The following NPR3 variants were observed in gnomAD, a reference collection of about 807,000 sequenced individuals.
The protein encoded by NPR3 is atrial natriuretic peptide receptor 3.
Under a neutral mutation model 54.5 loss-of-function variants are expected in NPR3, and 34 were observed. The observed-to-expected ratio is 0.62, with a 90% CI of 0.47 to 0.83. The LOEUF (loss-of-function observed/expected upper bound fraction) is 0.83, where lower values mean the gene tolerates loss of function less well. Among genes scored for constraint, NPR3 ranks in the 40% least tolerant of loss-of-function variants. The probability of loss-of-function intolerance (pLI) is 0.00; values close to 1 mark genes in which losing one functional copy is unlikely to be tolerated. For synonymous variants in NPR3, 289 were observed against 297.1 expected, an observed-to-expected ratio of 0.97 and a Z score of 0.28; for missense variants, 674 against 720.8, an observed-to-expected ratio of 0.94 and a Z score of 0.74.
intron 2 of NPR3, among the ~76,000 whole-genome samples, chr5:32,737,024 C>T (rs1234631827): frequency 1.3e-5 from 2 of 152,168 alleles, no homozygotes; most frequent in Non-Finnish European, 1.5e-5. Context: ...GGGCTCTAGA[C>T]TAAGTGCCCA....
At chr5:32,763,273 C>T (rs891330954) in intron 3 of NPR3, among the ~76,000 whole-genome samples, 2 of 151,930 alleles carry the variant, frequency 1.3e-5, no homozygotes, top group African/African-American at 4.8e-5. Flanking sequence ...AGTGATGCCT[C>T]CAGCTTTGTT....
intron 4 of NPR3, among the ~76,000 whole-genome samples, chr5:32,777,098 A>C (rs1301889607): frequency 6.6e-6 from 1 of 152,196 alleles, no homozygotes; most frequent in African/African-American, 2.4e-5. Flanking sequence ...ATAGGTGCCA[A>C]AGCCCGAGAG....
rs3828590 is a variant in NPR3, at chr5:32,713,166, T to C, written c.769+621T>C. 121 of 985,360 alleles carry C rather than the reference T, an allele frequency of 1.2e-4. 2 individuals carry two copies. In the East Asian group the frequency reaches 0.012, roughly 96 times the overall value. 61.0% of individuals were successfully genotyped at this position (985,360 alleles called of 1,614,324 possible). A position where few individuals can be genotyped will look rare whatever the true frequency, so the allele number is the denominator to read the frequency against. Reference sequence around the variant, plus strand: ...CTGTGGTTTCCACCAAAAATGCCCCTGTGTGTCTGAATTCTGGCGACACTC... The same window carrying C: ...CTGTGGTTTCCACCAAAAATGCCCCCGTGTGTCTGAATTCTGGCGACACTC... On this transcript the variant is annotated intron_variant, in intron 1 of 7. Coordinates refer to ENST00000265074, the MANE Select transcript of NPR3 (RefSeq NM_001204375.2).
At chr5:32,764,429 G>T (rs1482171801) in intron 3 of NPR3, among the ~76,000 whole-genome samples, 5 of 151,886 alleles carry the variant, frequency 3.3e-5, no homozygotes, top group Non-Finnish European at 5.9e-5. Context: ...TTCTTTTGAG[G>T]GTCAAATCTC....
At chr5:32,719,777 A>C (rs180954951) in intron 1 of NPR3, among the ~76,000 whole-genome samples, 1 of 118,012 alleles carries the variant, frequency 8.5e-6, no homozygotes. Flanking sequence ...TTTACCACCT[A>C]TGTTGTTGTT....
At chr5:32,755,750 C>A (rs931724712) in intron 3 of NPR3, among the ~76,000 whole-genome samples, 1 of 152,204 alleles carries the variant, frequency 6.6e-6, no homozygotes, top group Non-Finnish European at 1.5e-5. Context: ...AAAACACCAT[C>A]ATCTCCAAGT....
intron 1 of NPR3, among the ~76,000 whole-genome samples, chr5:32,696,443 C>T (rs7738037): frequency 0.38 from 55,640 of 147,176 alleles, 10,654 homozygotes; most frequent in Middle Eastern, 0.48. Context: ...ATTCTTCCAG[C>T]TTTTTTTTTT....
intron 1 of NPR3, among the ~76,000 whole-genome samples, chr5:32,723,538 G>C (rs1045958790): frequency 5.3e-5 from 8 of 152,320 alleles, no homozygotes; most frequent in Non-Finnish European, 1.0e-4. Context: ...TGAATCCTCT[G>C]ATTTGCTAAG....
chr5:32,703,539 C>T (rs993304629), intron 1 of NPR3, among the ~76,000 whole-genome samples: 7 of 152,184 alleles, frequency 4.6e-5, no homozygotes, highest in Admixed American at 3.9e-4. Context: ...GCTGACTATT[C>T]AGGGCCCAAA....
intron 4 of NPR3, 68 bp downstream of exon 4, chr5:32,774,911 T>A: frequency 7.7e-7 from 1 of 1,295,206 alleles, no homozygotes; most frequent in Non-Finnish European, 1.1e-6. Context: ...GTTCTGTATT[T>A]CTCAGTTGCA....
intron 1 of NPR3, among the ~76,000 whole-genome samples, chr5:32,693,035 T>C (rs1740434467): frequency 6.6e-6 from 1 of 151,928 alleles, no homozygotes; most frequent in South Asian, 2.1e-4. Context: ...GACAGGAGAA[T>C]CCCTTGATCC....
upstream of NPR3, chr5:32,710,863 T>TTTTTTTTTTG (rs1738178941): frequency 7.8e-7 from 1 of 1,275,430 alleles, no homozygotes; most frequent in African/African-American, 1.7e-5. Context: ...GTCCTGGTTT[T>TTTTTTTTTTG]TTTTTTTTTT....
chr5:32,749,283 T>A (rs1156892424), intron 3 of NPR3, among the ~76,000 whole-genome samples: 1 of 152,316 alleles, frequency 6.6e-6, no homozygotes, highest in South Asian at 2.1e-4. Context: ...GGTTTTTTCC[T>A]CTGAGAACTA....
chr5:32,781,159 T>G (rs1742320351), intron 5 of NPR3, among the ~76,000 whole-genome samples: 1 of 152,110 alleles, frequency 6.6e-6, no homozygotes, highest in Non-Finnish European at 1.5e-5. Flanking sequence ...AAACTCAATG[T>G]GTGTTAACAT....
chr5:32,760,168 A>G (rs1741085754), intron 3 of NPR3, among the ~76,000 whole-genome samples: 1 of 152,026 alleles, frequency 6.6e-6, no homozygotes, highest in African/African-American at 2.4e-5. Context: ...CGAAGCTGCA[A>G]TGAGCATTCT....
rs982884548 is a variant in NPR3 at position 32,783,374 on chromosome 5, A to G, written c.1426+346A>G. On this transcript the variant is annotated intron_variant, in intron 6 of 7. Transcript: ENST00000265074. Reference sequence around the variant, plus strand: ...CAGCAAGTCTCGTTCTGATTTTTCAAGTTTGTGGTTACTTTCCAGCTCCTC... The same window carrying G: ...CAGCAAGTCTCGTTCTGATTTTTCAGGTTTGTGGTTACTTTCCAGCTCCTC... 2.6e-5 allele frequency: 5 copies of G among 190,490 alleles called. 1 individual carries two copies. Among genetic ancestry groups the G allele is most frequent in the Non-Finnish European group, 5.3e-5 (5 of 93,550 alleles). 11.8% of individuals were successfully genotyped at this position (190,490 alleles called of 1,614,324 possible). A position where few individuals can be genotyped will look rare whatever the true frequency, so the allele number is the denominator to read the frequency against.
At chr5:32,754,634 T>C (rs1206198773) in intron 3 of NPR3, among the ~76,000 whole-genome samples, 1 of 152,126 alleles carries the variant, frequency 6.6e-6, no homozygotes, top group Non-Finnish European at 1.5e-5. Context: ...TTTTCTCCTC[T>C]GGGGTGAACT....
At chr5:32,724,844 T>TC in intron 2 of NPR3, 24 bp downstream of exon 2, 1 of 1,613,280 alleles carries the variant, frequency 6.2e-7, no homozygotes, top group Non-Finnish European at 8.5e-7. Context: ...CACTTTCCCC[T>TC]CCTCTGCTAG....
intron 3 of NPR3, among the ~76,000 whole-genome samples, chr5:32,751,581 C>T (rs569723596): frequency 3.3e-5 from 5 of 152,126 alleles, no homozygotes; most frequent in East Asian, 1.9e-4. Flanking sequence ...GCAGGCCACC[C>T]GTAGCTTGTT....
Sources: gnomAD v4.1 joint callset for allele counts (sites outside exome capture counted in the v4.1 genomes callset) on GRCh38, gnomAD v4.1.1 for gene constraint, MANE v1.5 for transcripts, NCBI Gene and HGNC (gene_info 2026-07-23, HGNC 2026-07-21) for gene names.